The following NOL10 variants were observed in gnomAD, a reference collection of about 807,000 sequenced individuals.
NOL10 encodes the protein H_NH0074G24.1.
Under a neutral mutation model 103.5 loss-of-function variants are expected in NOL10, and 58 were observed. The observed-to-expected ratio is 0.56, with a 90% CI of 0.45 to 0.70. The LOEUF (loss-of-function observed/expected upper bound fraction) is 0.70, where lower values mean the gene tolerates loss of function less well. Ranked by LOEUF, NOL10 falls within the 30% of genes least tolerant of loss-of-function variation. The pLI is 0.00. For synonymous variants in NOL10, 287 were observed against 282.5 expected (o/e 1.02, Z -0.16); for missense variants, 763 against 807.3 (o/e 0.95, Z 0.67).
At chr2:10,662,191 C>T (rs956074150) in intron 9 of NOL10, among the ~76,000 whole-genome samples, 1 of 152,126 alleles carries the variant, frequency 6.6e-6, no homozygotes, top group Non-Finnish European at 1.5e-5. Context: ...AAAGGGCTGT[C>T]GTATTAAATA....
At chr2:10,684,766 C>T (rs1682031596) in intron 1 of NOL10, among the ~76,000 whole-genome samples, 154 bp from the exon 2 acceptor site, 2 of 152,198 alleles carry the variant, frequency 1.3e-5, no homozygotes, top group Admixed American at 6.5e-5. Flanking sequence ...TAACTCTACT[C>T]GTAACGTATT....
At position 10,577,620 on chromosome 2, in the gene NOL10, A is replaced by G. The variant is rs763949569; in HGVS notation, c.1947+16T>C. 33 of 1,576,008 alleles carry G rather than the reference A, an allele frequency of 2.1e-5. No homozygotes were observed. The East Asian group carries it at 6.7e-4, about 32-fold the overall frequency. On this transcript the variant is annotated intron_variant, in intron 20 of 20. Coordinates refer to ENST00000381685, the MANE Select transcript of NOL10 (RefSeq NM_024894.4). ...TTCTTTTGTGAATTAAAAAATAACA[A>G]TAAAAGACAACTCACCCTCTTTAAC...
chr2:10,640,427 T>C (rs186275237), intron 13 of NOL10, among the ~76,000 whole-genome samples: 335 of 152,318 alleles, frequency 2.2e-3, no homozygotes, highest in African/African-American at 7.7e-3. Flanking sequence ...AGTTTCAGCA[T>C]AATGCTTCGC....
At chr2:10,638,124 A>C (rs1678395067) in intron 13 of NOL10, among the ~76,000 whole-genome samples, 1 of 152,104 alleles carries the variant, frequency 6.6e-6, no homozygotes, top group African/African-American at 2.4e-5. Context: ...TCTACAAAAA[A>C]ACAGCATAAA....
At chr2:10,685,171 T>G (rs1682065029) in intron 1 of NOL10, among the ~76,000 whole-genome samples, 1 of 152,224 alleles carries the variant, frequency 6.6e-6, no homozygotes, top group African/African-American at 2.4e-5. Flanking sequence ...AGGAGAATGT[T>G]TCTTATAGAA....
At chr2:10,683,723 C>G (rs776725994) in intron 2 of NOL10, among the ~76,000 whole-genome samples, 1 of 152,190 alleles carries the variant, frequency 6.6e-6, no homozygotes, top group Non-Finnish European at 1.5e-5. Flanking sequence ...TCGGCCACAA[C>G]GCAAATCCAC....
At chr2:10,603,290 ATCT>A in intron 14 of NOL10, 133 bp from the exon 15 acceptor site, 5 of 648,102 alleles carry the variant, frequency 7.7e-6, no homozygotes, top group Middle Eastern at 2.5e-4. Flanking sequence ...AGAATTACTA[ATCT>A]TCTTTGATAT....
intron 13 of NOL10, among the ~76,000 whole-genome samples, chr2:10,631,739 G>C (rs1196507111): frequency 6.7e-6 from 1 of 149,650 alleles, no homozygotes; most frequent in Non-Finnish European, 1.5e-5. Flanking sequence ...TTTTTAGATG[G>C]AGTTTCGCTC....
At position 10,645,603 on chromosome 2, in the gene NOL10, G is replaced by A. The variant is rs368921025; in HGVS notation, c.974-1231C>T. 5.3e-5 allele frequency among the ~76,000 whole-genome samples: 8 copies of A among 149,724 alleles called. No individual in the cohort carries two copies. The East Asian group carries it at 1.6e-3, about 30-fold the overall frequency. ...GGCTGGAGTGCAGTGGCGTGGTCTC[G>A]GCTCACTGCAAGCTCCACCTCCTGG... On this transcript the variant is annotated intron_variant, in intron 12 of 20. Coordinates refer to ENST00000381685, the MANE Select transcript of NOL10 (RefSeq NM_024894.4).
intron 19 of NOL10, among the ~76,000 whole-genome samples, chr2:10,582,022 A>G (rs1674789342): frequency 6.6e-6 from 1 of 152,212 alleles, no homozygotes. Flanking sequence ...TGTTACAATG[A>G]TAACATGCCT....
At chr2:10,636,725 T>C (rs1678253756) in intron 13 of NOL10, among the ~76,000 whole-genome samples, 1 of 152,020 alleles carries the variant, frequency 6.6e-6, no homozygotes, top group Non-Finnish European at 1.5e-5. Context: ...AATACTGAAC[T>C]TGAAAAAAGA....
chr2:10,685,436 G>A lies in NOL10; in HGVS notation c.67-824C>T, dbSNP rs189795774. 2.8e-5 allele frequency among the ~76,000 whole-genome samples: 4 copies of A among 144,046 alleles called. No homozygotes were observed. The East Asian group carries it at 6.5e-4, about 23-fold the overall frequency. 94.5% of individuals were successfully genotyped at this position (144,046 alleles called of 152,430 possible). A position where few individuals can be genotyped will look rare whatever the true frequency, so the allele number is the denominator to read the frequency against. ...TGAACCCGGGAGGCGGAGGTTGCAG[G>A]GAGCTGAGATCTTCCCACTACACTC... On this transcript the variant is annotated intron_variant, in intron 1 of 20. Transcript: ENST00000381685.
At chr2:10,642,261 C>T (rs1678748220) in intron 13 of NOL10, among the ~76,000 whole-genome samples, 1 of 152,162 alleles carries the variant, frequency 6.6e-6, no homozygotes, top group African/African-American at 2.4e-5. Flanking sequence ...GAATCGTCTG[C>T]AAGTACTGCC....
chr2:10,664,376 C>T (rs532190204), intron 8 of NOL10, among the ~76,000 whole-genome samples: 11 of 151,712 alleles, frequency 7.3e-5, no homozygotes, highest in East Asian at 1.9e-4. Context: ...TGCGGTGAGC[C>T]GAGTCCAGCC....
chr2:10,626,111 T>C (rs867981422), intron 13 of NOL10, among the ~76,000 whole-genome samples: 1 of 151,910 alleles, frequency 6.6e-6, no homozygotes, highest in Non-Finnish European at 1.5e-5. Flanking sequence ...GCCCAGGAGT[T>C]TGGAGGCTGC....
At chr2:10,659,697 A>C (rs903844086) in intron 9 of NOL10, among the ~76,000 whole-genome samples, 2 of 152,084 alleles carry the variant, frequency 1.3e-5, no homozygotes, top group Non-Finnish European at 2.9e-5. Context: ...TGTCTCAAAA[A>C]TAGTAAGTAA....
chr2:10,648,793 A>T (rs1407051549), intron 12 of NOL10, among the ~76,000 whole-genome samples: 1 of 152,196 alleles, frequency 6.6e-6, no homozygotes, highest in Non-Finnish European at 1.5e-5. Context: ...TAAATCGAGG[A>T]TGAAGGATAT....
At chr2:10,587,086 T>C (rs1327228743) in intron 19 of NOL10, among the ~76,000 whole-genome samples, 9 of 55,024 alleles carry the variant, frequency 1.6e-4, no homozygotes, top group African/African-American at 6.5e-5. Flanking sequence ...TACATATATA[T>C]ACATATATAT....
At chr2:10,660,039 G>C (rs1240560758) in intron 9 of NOL10, among the ~76,000 whole-genome samples, 1 of 152,156 alleles carries the variant, frequency 6.6e-6, no homozygotes, top group Non-Finnish European at 1.5e-5. Context: ...ATCTCCAGTG[G>C]AAAGAGTGCT....
Sources: allele counts gnomAD v4.1 joint callset (sites outside exome capture counted in the v4.1 genomes callset), GRCh38; gene constraint gnomAD v4.1.1; transcripts MANE v1.5; gene names NCBI Gene and HGNC (gene_info 2026-07-23, HGNC 2026-07-21).